Variants in OSBPL6 observed in about 807,000 individuals in gnomAD.
OSBPL6 encodes the protein oxysterol binding protein like 6.
Under a neutral mutation model 125.8 loss-of-function variants are expected in OSBPL6, and 49 were observed. That is an observed-to-expected ratio of 0.39 (90% CI 0.31 to 0.49). OSBPL6 has a LOEUF of 0.49. Among genes scored for constraint, OSBPL6 ranks in the 20% least tolerant of loss-of-function variants. The pLI is 0.88. For synonymous variants in OSBPL6, 394 were observed against 391.8 expected, an observed-to-expected ratio of 1.01 and a Z score of -0.07; for missense variants, 986 against 1,135.4, an observed-to-expected ratio of 0.87 and a Z score of 1.89.
chr2:178,270,192 C>T (rs2092345601), intron 1 of OSBPL6, among the ~76,000 whole-genome samples: 1 of 152,126 alleles, frequency 6.6e-6, no homozygotes, highest in Non-Finnish European at 1.5e-5. Flanking sequence ...TTAATGCTTT[C>T]CAAGAAATTC....
intron 9 of OSBPL6, among the ~76,000 whole-genome samples, chr2:178,337,961 A>ATTTTTTTTTTTTTTTT (rs1689845998): frequency 1.2e-5 from 1 of 84,124 alleles, no homozygotes; most frequent in Non-Finnish European, 2.5e-5. Context: ...TTTTTTTTTG[A>ATTTTTTTTTTTTTTTT]GACGGAGTCT....
intron 1 of OSBPL6, among the ~76,000 whole-genome samples, chr2:178,249,186 C>T (rs2091597616): frequency 6.6e-6 from 1 of 152,190 alleles, no homozygotes; most frequent in Non-Finnish European, 1.5e-5. Context: ...GCAATCCACC[C>T]ACCTCAGCAT....
intron 15 of OSBPL6, among the ~76,000 whole-genome samples, chr2:178,380,845 T>C (rs535440317): frequency 1.3e-5 from 2 of 152,348 alleles, no homozygotes; most frequent in Admixed American, 1.3e-4. Context: ...GTAGCTACTA[T>C]AATGAAAATG....
At chr2:178,293,745 A>AT (rs1685487238) in intron 2 of OSBPL6, among the ~76,000 whole-genome samples, 1 of 151,872 alleles carries the variant, frequency 6.6e-6, no homozygotes, top group South Asian at 2.1e-4. Flanking sequence ...CATTCTAACT[A>AT]TTTTTTGTAC....
intron 3 of OSBPL6, among the ~76,000 whole-genome samples, chr2:178,309,060 C>G (rs1687029215): frequency 6.6e-6 from 1 of 152,076 alleles, no homozygotes; most frequent in Non-Finnish European, 1.5e-5. Context: ...TGATCATAGT[C>G]CTGAACTGCC....
chr2:178,341,682 T>A (rs1264859302), intron 11 of OSBPL6, among the ~76,000 whole-genome samples: 1 of 152,122 alleles, frequency 6.6e-6, no homozygotes, highest in African/African-American at 2.4e-5. Context: ...GGAGATTTAG[T>A]TCCAATTCCA....
intron 13 of OSBPL6, among the ~76,000 whole-genome samples, chr2:178,362,860 G>A (rs959083994): frequency 6.6e-6 from 1 of 152,162 alleles, no homozygotes; most frequent in Non-Finnish European, 1.5e-5. Flanking sequence ...GGGGTCTCAG[G>A]AGCATGAGCG....
intron 1 of OSBPL6, among the ~76,000 whole-genome samples, chr2:178,228,949 GACT>G (rs2090694592): frequency 6.6e-6 from 1 of 152,196 alleles, no homozygotes; most frequent in Non-Finnish European, 1.5e-5. Flanking sequence ...GAATACCTGA[GACT>G]AGGTAATTTA....
chr2:178,339,071 G>A lies in OSBPL6; in HGVS notation c.871G>A (p.Ala291Thr). 6.2e-7 allele frequency: 1 copy of A among 1,609,086 alleles called. No individual in the cohort carries two copies. Among genetic ancestry groups the A allele is most frequent in the Non-Finnish European group, 8.5e-7 (1 of 1,176,102 alleles). Residue 291 changes from alanine to threonine, a missense_variant, in exon 10 of 25, where the codon GCA becomes ACA. Transcript: ENST00000190611. Reference protein sequence around the residue: ...NLEILQRTQSAPNFTDMQANC... With the variant: ...NLEILQRTQSTPNFTDMQANC... ...GGAAATACTTCAGAGAACTCAGTCGGCACCTAACTTTACTGACATGCAGGT... is the reference window on the plus strand; with the variant it reads ...GGAAATACTTCAGAGAACTCAGTCGACACCTAACTTTACTGACATGCAGGT...
intron 3 of OSBPL6, among the ~76,000 whole-genome samples, chr2:178,316,005 A>G (rs577260398): frequency 1.3e-5 from 2 of 152,346 alleles, no homozygotes; most frequent in Admixed American, 6.5e-5. Context: ...CCCTTTGTCC[A>G]GTATCCACTG....
intron 2 of OSBPL6, among the ~76,000 whole-genome samples, chr2:178,299,236 G>GT (rs1686049458): frequency 1.3e-5 from 2 of 152,142 alleles, no homozygotes; most frequent in Non-Finnish European, 2.9e-5. Flanking sequence ...TGCATTTAAG[G>GT]TTTTTCCATG....
In OSBPL6 at chr2:178,373,900, A is replaced by C; in HGVS notation, c.1406A>C (p.Gln469Pro). 6.2e-7 allele frequency: 1 copy of C among 1,614,132 alleles called. No homozygotes were observed. The highest frequency in any genetic ancestry group is 8.5e-7 in the Non-Finnish European group (1 of 1,179,996). Residue 469 changes from glutamine (Q) to proline (P), a missense_variant, in exon 15 of 25, where the codon CAA (glutamine) becomes CCA (proline). Gln to Pro is a moderately conservative substitution (Grantham distance 76). Transcript: ENST00000190611. ...TTCTGTCTTCTGCAGGCTGGTGAGC[A>C]AATCCATGTCAGTCTCCCCTTATCA... ...IIPSPDEAGEQIHVSLPLSQQ... is the reference protein window; with the variant it reads ...IIPSPDEAGEPIHVSLPLSQQ...
chr2:178,295,767 A>T (rs1361010368), intron 2 of OSBPL6, among the ~76,000 whole-genome samples: 6 of 151,910 alleles, frequency 3.9e-5, no homozygotes, highest in African/African-American at 1.4e-4. Context: ...CAATTATAAT[A>T]AAAATAAAAT....
At position 178,400,909 on chromosome 2, in the gene OSBPL6, A is replaced by G. The variant is rs568904398; in HGVS notation, c.*5350A>G. The G allele has an allele frequency of 6.6e-6, 1 of 152,362 alleles. No homozygotes were observed. The highest frequency in any genetic ancestry group is 1.5e-5 in the Non-Finnish European group (1 of 68,038). 9.4% of individuals were successfully genotyped at this position (152,362 alleles called of 1,614,324 possible). A position where few individuals can be genotyped will look rare whatever the true frequency, so the allele number is the denominator to read the frequency against. ...CCCCAGTATCCGCCATCAAGTAGTAACATGTTGTAACAGAAAGAATCCCAT... is the reference window on the plus strand; with the variant it reads ...CCCCAGTATCCGCCATCAAGTAGTAGCATGTTGTAACAGAAAGAATCCCAT... On this transcript the variant is annotated 3_prime_UTR_variant, in exon 25 of 25. Coordinates refer to ENST00000190611, the MANE Select transcript of OSBPL6 (RefSeq NM_032523.4).
intron 4 of OSBPL6, among the ~76,000 whole-genome samples, chr2:178,327,995 T>C (rs1688847517): frequency 6.6e-6 from 1 of 152,178 alleles, no homozygotes; most frequent in African/African-American, 2.4e-5. Flanking sequence ...CGAATTTCCA[T>C]CCTACCCCAA....
chr2:178,328,497 C>CT (rs1006293931), intron 5 of OSBPL6, 119 bp downstream of exon 5: 78 of 1,271,062 alleles, frequency 6.1e-5, no homozygotes, highest in Middle Eastern at 2.7e-4. Flanking sequence ...CTTTTTAAAA[C>CT]TTTTTTTTGA....
At chr2:178,389,275 AT>A in intron 21 of OSBPL6, 122 bp downstream of exon 21, 1 of 963,770 alleles carries the variant, frequency 1.0e-6, no homozygotes, top group Non-Finnish European at 1.5e-6. Flanking sequence ...CCTTACGGAC[AT>A]TTTAGATAAG....
chr2:178,232,043 T>C (rs990994456), intron 1 of OSBPL6, among the ~76,000 whole-genome samples: 11 of 152,156 alleles, frequency 7.2e-5, no homozygotes, highest in African/African-American at 2.7e-4. Flanking sequence ...ACACAGGTGT[T>C]TTGCTGCTCA....
At chr2:178,290,184 A>G (rs1024916065) in intron 2 of OSBPL6, among the ~76,000 whole-genome samples, 25 of 152,152 alleles carry the variant, frequency 1.6e-4, no homozygotes, top group African/African-American at 5.5e-4. Flanking sequence ...TCATTCTTTT[A>G]TAAAGAACTT....
Sources: allele counts gnomAD v4.1 joint callset (sites outside exome capture counted in the v4.1 genomes callset), GRCh38; gene constraint gnomAD v4.1.1; transcripts MANE v1.5; gene names NCBI Gene and HGNC (gene_info 2026-07-23, HGNC 2026-07-21).